The following PCDH15 variants were observed in gnomAD, a reference collection of about 807,000 sequenced individuals.
PCDH15 encodes protocadherin related 15.
In PCDH15, 129 loss-of-function variants were observed where a neutral mutation model predicts 178.5. That is an observed-to-expected ratio of 0.72 (90% CI 0.63 to 0.84). The LOEUF (loss-of-function observed/expected upper bound fraction) is 0.84. Among genes scored for constraint, PCDH15 ranks in the 40% least tolerant of loss-of-function variants. The probability of loss-of-function intolerance (pLI) is 0.00; values close to 1 mark genes in which losing one functional copy is unlikely to be tolerated. For synonymous variants in PCDH15, 800 were observed against 732.0 expected (o/e 1.09, Z -1.50); for missense variants, 2,230 against 2,099.9 (o/e 1.06, Z -1.21).
At chr10:54,938,055 T>C (rs1046774415) in intron 2 of PCDH15, among the ~76,000 whole-genome samples, 3 of 152,046 alleles carry the variant, frequency 2.0e-5, no homozygotes, top group Non-Finnish European at 4.4e-5. Flanking sequence ...CATTAAAGAG[T>C]GTTAGATTTT....
At chr10:54,168,976 G>A (rs2046564663) in intron 13 of PCDH15, among the ~76,000 whole-genome samples, 2 of 152,234 alleles carry the variant, frequency 1.3e-5, no homozygotes, top group South Asian at 4.1e-4. Flanking sequence ...CCAAATGCCT[G>A]AACCGCAGCG....
intron 2 of PCDH15, among the ~76,000 whole-genome samples, chr10:54,957,646 T>C (rs752243480): frequency 1.3e-5 from 2 of 151,192 alleles, no homozygotes; most frequent in Admixed American, 6.6e-5. Context: ...GGTAGATCTC[T>C]CCATAGCAGG....
At chr10:55,124,515 A>C (rs188844586) in intron 2 of PCDH15, among the ~76,000 whole-genome samples, 37 of 152,246 alleles carry the variant, frequency 2.4e-4, no homozygotes, top group African/African-American at 8.9e-4. Context: ...TATAAATGGA[A>C]ATTTTGACAC....
intron 3 of PCDH15, among the ~76,000 whole-genome samples, chr10:54,440,720 T>G (rs1443123913): frequency 2.0e-5 from 3 of 151,954 alleles, no homozygotes; most frequent in African/African-American, 7.2e-5. Context: ...CCATATTTAT[T>G]TATCTACCTA....
chr10:54,783,568 T>C (rs1240606355), intron 1 of PCDH15, among the ~76,000 whole-genome samples: 1 of 152,140 alleles, frequency 6.6e-6, no homozygotes, highest in Non-Finnish European at 1.5e-5. Context: ...ATAGAAAACG[T>C]GCTTAATAAA....
Position 53,806,469 on chromosome 10 carries a change from G to A in PCDH15, c.*110C>T. ...TTAAAGCATATTGTTCAAAGTTTTA[G>A]CTTGTGTGCATGATATAAATTCCAT... On this transcript the variant is annotated 3_prime_UTR_variant, in exon 38 of 38. Transcript: ENST00000644397. 2 of 921,520 alleles carry A rather than the reference G, an allele frequency of 2.2e-6. No individual in the cohort carries two copies. The allele number at this position is 921,520 out of a possible 1,614,324, so 57.1% of individuals were successfully genotyped here.
At chr10:54,157,226 C>T (rs1360282738) in intron 13 of PCDH15, among the ~76,000 whole-genome samples, 1 of 152,218 alleles carries the variant, frequency 6.6e-6, no homozygotes, top group Non-Finnish European at 1.5e-5. Flanking sequence ...TCTGCACTGC[C>T]CTAGCAGAGG....
intron 2 of PCDH15, among the ~76,000 whole-genome samples, chr10:54,627,024 A>G (rs538973529): frequency 6.6e-6 from 1 of 152,142 alleles, no homozygotes; most frequent in African/African-American, 2.4e-5. Flanking sequence ...TCCAACTTAC[A>G]TGGGGCCTGT....
intron 2 of PCDH15, among the ~76,000 whole-genome samples, chr10:55,342,338 A>C (rs1401751661): frequency 6.6e-6 from 1 of 152,012 alleles, no homozygotes; most frequent in Non-Finnish European, 1.5e-5. Context: ...TTTAATTTAA[A>C]AGTAGTTTAT....
rs140893140 is a variant in PCDH15, at chr10:54,020,393, T to A, written c.2550A>T (p.Ala850=). 7.2e-5 allele frequency: 116 copies of A among 1,613,672 alleles called. No homozygotes were observed. The highest frequency in any genetic ancestry group is 9.7e-5 in the Non-Finnish European group (115 of 1,179,774). The change falls in exon 20 of 38, where the codon GCA becomes GCT. Residue 850 remains alanine, a synonymous_variant. Transcript: ENST00000644397. ...QIEAKDVDLG[A]NVSYRIRSPE... ...GGCTTCTTATCCGGTAAGACACATTTGCTCCAAGGTCGACATCTTTGGCCT... is the reference window on the plus strand; with the variant it reads ...GGCTTCTTATCCGGTAAGACACATTAGCTCCAAGGTCGACATCTTTGGCCT...
intron 2 of PCDH15, among the ~76,000 whole-genome samples, chr10:54,529,980 G>A (rs2083746142): frequency 6.6e-6 from 1 of 151,894 alleles, no homozygotes; most frequent in African/African-American, 2.4e-5. Flanking sequence ...TAAAAATTAT[G>A]TATTTTAGTG....
At chr10:53,947,937 T>C (rs2086710279) in intron 23 of PCDH15, among the ~76,000 whole-genome samples, 1 of 152,230 alleles carries the variant, frequency 6.6e-6, no homozygotes, top group African/African-American at 2.4e-5. Context: ...ATTATTATAT[T>C]GTTCTCATTA....
At chr10:55,406,078 A>AC (rs912826679) in intron 2 of PCDH15, among the ~76,000 whole-genome samples, 26 of 151,394 alleles carry the variant, frequency 1.7e-4, no homozygotes, top group African/African-American at 5.1e-4. Flanking sequence ...TAAAAAAAAA[A>AC]AGGCATAAAG....
At chr10:54,714,423 A>G (rs376910173) in intron 1 of PCDH15, among the ~76,000 whole-genome samples, 85 of 152,300 alleles carry the variant, frequency 5.6e-4, no homozygotes, top group African/African-American at 1.9e-3. Context: ...TGTAAACTTC[A>G]AACACATATG....
chr10:55,297,014 C>T (rs972711444), intron 1 of PCDH15, among the ~76,000 whole-genome samples: 2 of 151,854 alleles, frequency 1.3e-5, no homozygotes, highest in Non-Finnish European at 2.9e-5. Context: ...CTTATTTTTT[C>T]AATGAATATT....
intron 1 of PCDH15, among the ~76,000 whole-genome samples, chr10:55,214,982 A>G (rs556209621): frequency 6.6e-6 from 1 of 152,138 alleles, no homozygotes; most frequent in Non-Finnish European, 1.5e-5. Flanking sequence ...ACGAGGTATT[A>G]CATATTTATT....
chr10:54,185,112 T>C (rs766525189), intron 12 of PCDH15, 22 bp downstream of exon 12: 1 of 1,611,034 alleles, frequency 6.2e-7, no homozygotes, highest in Non-Finnish European at 8.5e-7. Flanking sequence ...TACATATGTA[T>C]ATTTACACAA....
chr10:55,592,369 C>A (rs1459079933), intron 2 of PCDH15, among the ~76,000 whole-genome samples: 1 of 152,180 alleles, frequency 6.6e-6, no homozygotes, highest in East Asian at 1.9e-4. Flanking sequence ...AGTAGTTACA[C>A]TCCTGGCTCC....
intron 8 of PCDH15, among the ~76,000 whole-genome samples, chr10:54,245,949 A>G (rs964084042): frequency 1.1e-4 from 16 of 151,960 alleles, no homozygotes; most frequent in African/African-American, 3.9e-4. Context: ...TCATAAATCA[A>G]TAGTTCACAG....
Sources: allele counts gnomAD v4.1 joint callset (sites outside exome capture counted in the v4.1 genomes callset), GRCh38; gene constraint gnomAD v4.1.1; transcripts MANE v1.5; gene names NCBI Gene and HGNC (gene_info 2026-07-23, HGNC 2026-07-21).